Variants in OR2T10 observed in about 807,000 individuals in gnomAD.
OR2T10 encodes olfactory receptor 2T10.
For synonymous variants in OR2T10, 125 were observed against 141.8 expected, an observed-to-expected ratio of 0.88 and a Z score of 0.84; for missense variants, 335 against 382.5, an observed-to-expected ratio of 0.88 and a Z score of 1.04.
rs369930196 is a variant in OR2T10 at position 248,593,092 on chromosome 1, T to A, written c.677A>T (p.His226Leu). 25 of 1,572,598 alleles carry A rather than the reference T, an allele frequency of 1.6e-5. 2 individuals carry two copies. The African/African-American group carries it at 3.6e-4, about 23-fold the overall frequency. ...CCGACCCTCAACTGAGTTCATCTTA[T>A]GGATGGTGAGGATGATATAGTAGTA... ...VSYYYIILTI[H>L]KMNSVEGRKK... The change falls in exon 2 of 2, where the codon CAT becomes CTT. Residue 226 changes from histidine to leucine, a missense_variant. Transcript: ENST00000642090.
At chr1:248,593,892 A>G (rs1660054482) in intron 1 of OR2T10, 96 bp from the exon 2 acceptor site, 1 of 586,144 alleles carries the variant, frequency 1.7e-6, no homozygotes, top group Non-Finnish European at 2.9e-6. Context: ...TGTGAAAATC[A>G]GAGTGTATTT....
At position 248,593,256 on chromosome 1, in the gene OR2T10, G is replaced by A. The variant is rs756378465; in HGVS notation, c.513C>T (p.Ser171=). Reference sequence around the variant, plus strand: ...CACAGAAGAAGTGCTGAATCTCATGGGATCTGCAGAAGGGGAAGCTCATGG... The same window carrying A: ...CACAGAAGAAGTGCTGAATCTCATGAGATCTGCAGAAGGGGAAGCTCATGG... The part of the protein sequence containing the change: ...PIAMSFPFCR[S]HEIQHFFCEV... Residue 171 remains serine, a synonymous_variant, in exon 2 of 2, where the codon TCC becomes TCT. Transcript: ENST00000642090. 2 of 1,573,716 alleles carry A rather than the reference G, an allele frequency of 1.3e-6. No individual in the cohort carries two copies. The highest frequency in any genetic ancestry group is 1.7e-6 in the Non-Finnish European group (2 of 1,157,100).
In OR2T10 at chr1:248,592,851, G is replaced by C. The variant is rs61732538; in HGVS notation, c.918C>G (p.Ser306Arg). 1 of 1,547,618 alleles carries C rather than the reference G, an allele frequency of 6.5e-7. No individual in the cohort carries two copies. The highest frequency in any genetic ancestry group is 8.8e-7 in the Non-Finnish European group (1 of 1,139,464). ...CACTTTAATATGGAGGTTTCTGCAC[G>C]CTCAGCATTTTTTTCAAAGCCCTTG... Reference protein sequence around the residue: ...DVTRALKKMLSVQKPPY With the variant: ...DVTRALKKMLRVQKPPY Residue 306 changes from serine to arginine, a missense_variant, in exon 2 of 2, where the codon AGC (serine) becomes AGG (arginine). Transcript: ENST00000642090.
intron 1 of OR2T10, among the ~76,000 whole-genome samples, chr1:248,595,216 T>C (rs556958143): frequency 1.4e-5 from 2 of 143,452 alleles, no homozygotes; most frequent in South Asian, 2.2e-4. Flanking sequence ...TTATTATTAT[T>C]CTCTACTTAA....
In OR2T10 at chr1:248,593,754, G is replaced by T. The variant is rs1408920568; in HGVS notation, c.15C>A (p.Asn5Lys). 1 of 1,554,092 alleles carries T rather than the reference G, an allele frequency of 6.4e-7. No homozygotes were observed. Among genetic ancestry groups the T allele is most frequent in the Admixed American group, 1.7e-5 (1 of 57,950 alleles). Residue 5 changes from asparagine (N) to lysine (K), a missense_variant, in exon 2 of 2, where the codon AAC becomes AAA. Physicochemically the swap from Asn to Lys is moderately conservative, Grantham distance 94. Transcript: ENST00000642090. ...GGAAAAAGTCACCACCCAGGGTCTG[G>T]TTGGCCAGCCGCATGCTGTATGATC... MRLA[N>K]QTLGGDFFLL...
In OR2T10 at chr1:248,591,464, G is replaced by A. The variant is rs1259451050; in HGVS notation, c.*1366C>T. On this transcript the variant is annotated 3_prime_UTR_variant, in exon 2 of 2. Coordinates refer to ENST00000642090, the MANE Select transcript of OR2T10 (RefSeq NM_001004693.2). ...TAGAACGGGGCCTGGCAAACTATAG[G>A]GGCTCAGTAGTTATTTGTTGAATGA... 1 of 143,920 alleles carries A rather than the reference G, an allele frequency of 6.9e-6. No individual in the cohort carries two copies. Among genetic ancestry groups the A allele is most frequent in the Non-Finnish European group, 1.5e-5 (1 of 66,370 alleles). The allele number at this position is 143,920 out of a possible 1,614,324, so 8.9% of individuals were successfully genotyped here. A position where few individuals can be genotyped will look rare whatever the true frequency, so the allele number is the denominator to read the frequency against.
chr1:248,593,170 T>G lies in OR2T10; in HGVS notation c.599A>C (p.Tyr200Ser). 6.4e-7 allele frequency: 1 copy of G among 1,572,056 alleles called. No homozygotes were observed. The highest frequency in any genetic ancestry group is 1.1e-5 in the South Asian group (1 of 88,846). ...CAGGAGCATGATGACACAGCACAAG[T>G]ACATGAAAATCTTGTAAAGTGAGGT... is the stretch of plus-strand genomic sequence containing the variant. ...SDTSLYKIFM[Y>S]LCCVIMLLIP... is the part of the protein sequence containing the mutation. Residue 200 changes from tyrosine to serine, a missense_variant, in exon 2 of 2, where the codon TAC becomes TCC. By Grantham distance (144) the Tyr-to-Ser change is moderately radical (BLOSUM62 -2). Transcript: ENST00000642090.
Position 248,593,225 on chromosome 1 carries a change from G to A in OR2T10, c.544C>T (p.Pro182Ser). The A allele has an allele frequency of 6.4e-7, 1 of 1,573,390 alleles. No individual in the cohort carries two copies. The highest frequency in any genetic ancestry group is 8.6e-7 in the Non-Finnish European group (1 of 1,156,890). The change falls in exon 2 of 2, where the codon CCT becomes TCT. Residue 182 changes from proline to serine, a missense_variant. Pro to Ser is a moderately conservative substitution (Grantham distance 74). Transcript: ENST00000642090. ...HEIQHFFCEV[P>S]AVLKLSCSDT... ...GAGCAAGAGAGCTTCAAAACAGCAG[G>A]GACCTCACAGAAGAAGTGCTGAATC...
rs1660088803 is a variant in OR2T10, at chr1:248,596,289, C to T, written c.-29+1203G>A. 1.4e-5 allele frequency among the ~76,000 whole-genome samples: 2 copies of T among 142,980 alleles called. 1 individual carries two copies. Among genetic ancestry groups the T allele is most frequent in the African/African-American group, 5.5e-5 (2 of 36,156 alleles). 93.8% of individuals were successfully genotyped at this position (142,980 alleles called of 152,430 possible). Reference sequence around the variant, plus strand: ...ATGGAGTCCATTTAGGGACAGTGTCCAGGATAAGACTGGTGCCTGTCAGAG... The same window carrying T: ...ATGGAGTCCATTTAGGGACAGTGTCTAGGATAAGACTGGTGCCTGTCAGAG... On this transcript the variant is annotated intron_variant, in intron 1 of 1. Coordinates refer to ENST00000642090, the MANE Select transcript of OR2T10 (RefSeq NM_001004693.2).
intron 1 of OR2T10, among the ~76,000 whole-genome samples, chr1:248,594,595 T>C (rs370635995): frequency 4.2e-5 from 6 of 143,672 alleles, no homozygotes; most frequent in Non-Finnish European, 7.5e-5. Context: ...AAAAAAAAAT[T>C]ATGGCTATCT....
intron 1 of OR2T10, among the ~76,000 whole-genome samples, chr1:248,595,327 A>G (rs1334102934): frequency 6.9e-6 from 1 of 143,960 alleles, no homozygotes; most frequent in Non-Finnish European, 1.5e-5. Flanking sequence ...ACACATATTC[A>G]TCCTTTTTAT....
intron 1 of OR2T10, among the ~76,000 whole-genome samples, chr1:248,595,961 C>A (rs1235634635): frequency 7.0e-6 from 1 of 143,252 alleles, no homozygotes; most frequent in Non-Finnish European, 1.5e-5. Context: ...TCACTATCAG[C>A]CCTGCTCCAG....
rs1660027739 is a variant in OR2T10, at chr1:248,592,621, G to C, written c.*209C>G. 1 of 437,824 alleles carries C rather than the reference G, an allele frequency of 2.3e-6. No individual in the cohort carries two copies. The allele number at this position is 437,824 out of a possible 1,614,324, so 27.1% of individuals were successfully genotyped here. On this transcript the variant is annotated 3_prime_UTR_variant, in exon 2 of 2. Coordinates refer to ENST00000642090, the MANE Select transcript of OR2T10 (RefSeq NM_001004693.2). ...AAGGACCATTGGCCCCGAAGGACTG[G>C]ACTAGAGATCAATGCTACGAGGGAA...
At position 248,591,313 on chromosome 1, in the gene OR2T10, CT is replaced by C. The variant is rs1659995369; in HGVS notation, c.*1516del. ...CTCTCCTGCTCAAGATTTTCCAACA[CT>C]TTTCTTCTGATAATACTCCATGTCT... On this transcript the variant is annotated 3_prime_UTR_variant, in exon 2 of 2. Transcript: ENST00000642090. The C allele has an allele frequency of 7.0e-6, 1 of 143,738 alleles. No individual in the cohort carries two copies. The highest frequency in any genetic ancestry group is 1.5e-5 in the Non-Finnish European group (1 of 66,366). 8.9% of individuals were successfully genotyped at this position (143,738 alleles called of 1,614,324 possible). A position where few individuals can be genotyped will look rare whatever the true frequency, so the allele number is the denominator to read the frequency against.
At position 248,594,186 on chromosome 1, in the gene OR2T10, T is replaced by C. The variant is rs1476992332; in HGVS notation, c.-28-390A>G. Among the ~76,000 whole-genome samples the C allele has an allele frequency of 1.3e-4, 18 of 143,486 alleles. 5 individuals carry two copies. The highest frequency in any genetic ancestry group is 4.7e-4 in the African/African-American group (17 of 36,474). The allele number at this position is 143,486 out of a possible 152,430, so 94.1% of individuals were successfully genotyped here. A position where few individuals can be genotyped will look rare whatever the true frequency, so the allele number is the denominator to read the frequency against. The stretch of plus-strand genomic sequence containing the variant: ...CTAATAACCAATATAGATATTTCTA[T>C]ATATTTGACCCTCAAGAGTCATGTC... On this transcript the variant is annotated intron_variant, in intron 1 of 1. Coordinates refer to ENST00000642090, the MANE Select transcript of OR2T10 (RefSeq NM_001004693.2).
chr1:248,590,934 G>A lies in OR2T10; in HGVS notation c.*1896C>T, dbSNP rs1458633008. ...TGACTCATTTACATATTACTCTTTG[G>A]GGTTGATGTTTGTCATTTTTGCTTA... is the stretch of plus-strand genomic sequence containing the variant. On this transcript the variant is annotated 3_prime_UTR_variant, in exon 2 of 2. Coordinates refer to ENST00000642090, the MANE Select transcript of OR2T10 (RefSeq NM_001004693.2). 7.0e-6 allele frequency: 1 copy of A among 142,690 alleles called. No individual in the cohort carries two copies. Among genetic ancestry groups the A allele is most frequent in the Non-Finnish European group, 1.5e-5 (1 of 66,112 alleles). The allele number at this position is 142,690 out of a possible 1,614,324, so 8.8% of individuals were successfully genotyped here.
rs750512488 is a variant in OR2T10, at chr1:248,593,483, C to G, written c.286G>C (p.Gly96Arg). The G allele has an allele frequency of 1.3e-6, 2 of 1,572,814 alleles. No homozygotes were observed. The highest frequency in any genetic ancestry group is 2.3e-5 in the South Asian group (2 of 88,884). The change falls in exon 2 of 2, where the codon GGG (glycine) becomes CGG (arginine). Residue 96 changes from glycine to arginine, a missense_variant. Physicochemically the swap from Gly to Arg is moderately radical, Grantham distance 125 (BLOSUM62 -2). Coordinates refer to ENST00000642090, the MANE Select transcript of OR2T10 (RefSeq NM_001004693.2). ...LAKDKTISVL[G>R]CGTQMYFYLQ... Reference sequence around the variant, plus strand: ...TAGAAGTACATCTGGGTGCCACACCCAAGGACCGAGATGGTCTTGTCTTTG... The same window carrying G: ...TAGAAGTACATCTGGGTGCCACACCGAAGGACCGAGATGGTCTTGTCTTTG...
rs1247845750 is a variant in OR2T10, at chr1:248,596,129, A to G, written c.-29+1363T>C. Among the ~76,000 whole-genome samples, 3 of 143,934 alleles carry G rather than the reference A, an allele frequency of 2.1e-5. 1 individual carries two copies. The highest frequency in any genetic ancestry group is 8.2e-5 in the African/African-American group (3 of 36,656). 94.4% of individuals were successfully genotyped at this position (143,934 alleles called of 152,430 possible). ...CTGTATCACATAATGTCTCAAAGAA[A>G]AATCAGGAAGTAGGCGCAAAAGGGG... On this transcript the variant is annotated intron_variant, in intron 1 of 1. Coordinates refer to ENST00000642090, the MANE Select transcript of OR2T10 (RefSeq NM_001004693.2).
chr1:248,590,688 A>G lies in OR2T10; in HGVS notation c.*2142T>C, dbSNP rs1453436828. On this transcript the variant is annotated 3_prime_UTR_variant, in exon 2 of 2. Coordinates refer to ENST00000642090, the MANE Select transcript of OR2T10 (RefSeq NM_001004693.2). ...TTTTCATTCTTTCGTTGCTTCTTTT[A>G]GAAATATAAAAATCTATCATTTTTT... The G allele has an allele frequency of 2.0e-4, 29 of 142,786 alleles. 7 individuals carry two copies. The highest frequency in any genetic ancestry group is 7.8e-4 in the African/African-American group (28 of 36,102). 8.8% of individuals were successfully genotyped at this position (142,786 alleles called of 1,614,324 possible).
Sources: allele counts gnomAD v4.1 joint callset (sites outside exome capture counted in the v4.1 genomes callset), GRCh38; gene constraint gnomAD v4.1.1; transcripts MANE v1.5; gene names NCBI Gene and HGNC (gene_info 2026-07-23, HGNC 2026-07-21).